The following DLK1 variants were observed in gnomAD, a reference collection of about 807,000 sequenced individuals.
DLK1 encodes the protein delta like non-canonical Notch ligand 1, also known as protein delta homolog 1.
DLK1 carries 9 observed loss-of-function variants against 35.2 expected under a neutral mutation model. That is an observed-to-expected ratio of 0.26 (90% CI 0.15 to 0.45). The LOEUF (loss-of-function observed/expected upper bound fraction) is 0.45. Among genes scored for constraint, DLK1 ranks in the 20% least tolerant of loss-of-function variants. DLK1 has a pLI of 1.00. For synonymous variants in DLK1, 231 were observed against 228.4 expected, an observed-to-expected ratio of 1.01 and a Z score of -0.10; for missense variants, 522 against 528.5, an observed-to-expected ratio of 0.99 and a Z score of 0.12.
Position 100,737,855 on chromosome 14 carries a change from C to G in DLK1, c.*2959C>G, listed in dbSNP as rs1329035154. ...CCACAGTGCCCACCACTCGCACTAC[C>G]CCCCCCGTGCCACAGAAGCAGTGTC... On this transcript the variant is annotated 3_prime_UTR_variant, in exon 5 of 5. Coordinates refer to ENST00000341267, the MANE Select transcript of DLK1 (RefSeq NM_003836.7). The G allele has an allele frequency of 1.3e-5, 2 of 152,082 alleles. No individual in the cohort carries two copies. The highest frequency in any genetic ancestry group is 6.5e-5 in the Admixed American group (1 of 15,282). 9.4% of individuals were successfully genotyped at this position (152,082 alleles called of 1,614,324 possible).
At chr14:100,730,009 A>G (rs750690761) in intron 3 of DLK1, among the ~76,000 whole-genome samples, 2 of 152,234 alleles carry the variant, frequency 1.3e-5, no homozygotes, top group Non-Finnish European at 2.9e-5. Context: ...GTTAATTTTT[A>G]TCTTCGATTG....
At chr14:100,731,904 T>C (rs752576030) in intron 3 of DLK1, 138 bp from the exon 4 acceptor site, 116 of 1,121,914 alleles carry the variant, frequency 1.0e-4, no homozygotes, top group Non-Finnish European at 1.3e-4. Context: ...TCATGGGTTT[T>C]TTTGAGGGGG....
chr14:100,731,529 C>T (rs1013547230), intron 3 of DLK1, among the ~76,000 whole-genome samples: 12 of 152,028 alleles, frequency 7.9e-5, no homozygotes, highest in Admixed American at 2.0e-4. Flanking sequence ...GGAGGGGGGT[C>T]GTTACATCTC....
intron 3 of DLK1, 96 bp from the exon 4 acceptor site, chr14:100,731,946 C>T (rs764070282): frequency 2.9e-5 from 42 of 1,452,650 alleles, no homozygotes; most frequent in African/African-American, 7.2e-5. Context: ...AGACCCCACT[C>T]GGTGGCCATA....
At position 100,727,074 on chromosome 14, in the gene DLK1, C is replaced by A. The variant is rs1212702226; in HGVS notation, c.6C>A (p.Thr2=). M[T]ATEALLRVLL... is the part of the protein sequence containing the mutation. ...GCGACCCCGGCCGCCCAGAGATGAC[C>A]GCGACCGAAGCCCTCCTGCGCGTCC... The change falls in exon 1 of 5, where the codon ACC becomes ACA. Residue 2 remains threonine (T), a synonymous_variant. Coordinates refer to ENST00000341267, the MANE Select transcript of DLK1 (RefSeq NM_003836.7). The A allele has an allele frequency of 1.3e-6, 2 of 1,589,472 alleles. No individual in the cohort carries two copies. Among genetic ancestry groups the A allele is most frequent in the African/African-American group, 2.8e-5 (2 of 71,970 alleles).
intron 2 of DLK1, 145 bp from the exon 3 acceptor site, chr14:100,728,791 G>A: frequency 9.1e-7 from 1 of 1,101,764 alleles, no homozygotes; most frequent in Non-Finnish European, 1.3e-6. Flanking sequence ...TCCCATTCAG[G>A]TGGCTGGTGT....
chr14:100,730,786 C>G (rs1384170603), intron 3 of DLK1, among the ~76,000 whole-genome samples: 1 of 152,228 alleles, frequency 6.6e-6, no homozygotes, highest in Non-Finnish European at 1.5e-5. Context: ...AAGATAAATC[C>G]TCTTTATGTG....
chr14:100,731,264 G>A (rs1016822420), intron 3 of DLK1, among the ~76,000 whole-genome samples: 1 of 152,140 alleles, frequency 6.6e-6, no homozygotes, highest in South Asian at 2.1e-4. Context: ...AGGCCCTTGT[G>A]TTCAGCTCAT....
Position 100,728,478 on chromosome 14 carries a change from A to C in DLK1, c.131+19A>C. On this transcript the variant is annotated intron_variant, in intron 2 of 4. Transcript: ENST00000341267. ...TTTGCAGGTAATAGAGTGGCTCCTC[A>C]GAGGCAGCTTGTAGGGGCCACGCAG... 6.2e-7 allele frequency: 1 copy of C among 1,613,546 alleles called. No homozygotes were observed. The highest frequency in any genetic ancestry group is 8.5e-7 in the Non-Finnish European group (1 of 1,179,706).
At chr14:100,728,339 C>G (rs960082985) in intron 1 of DLK1, 57 bp from the exon 2 acceptor site, 48 of 1,601,252 alleles carry the variant, frequency 3.0e-5, no homozygotes, top group Non-Finnish European at 3.8e-5. Flanking sequence ...CGAAGACAGC[C>G]TTTGCCTTGG....
chr14:100,727,228 GC>G, intron 1 of DLK1, 93 bp downstream of exon 1: 2 of 1,301,248 alleles, frequency 1.5e-6, no homozygotes, highest in Non-Finnish European at 1.0e-6. Flanking sequence ...CGTCTCGTGA[GC>G]CCCAACTCCG....
chr14:100,729,171 ATT>A, intron 3 of DLK1, 105 bp downstream of exon 3: 2 of 1,556,264 alleles, frequency 1.3e-6, no homozygotes, highest in Non-Finnish European at 1.7e-6. Context: ...TCACTTCCTC[ATT>A]CCTGCACACT....
At chr14:100,730,543 C>T (rs1252634812) in intron 3 of DLK1, among the ~76,000 whole-genome samples, 2 of 152,178 alleles carry the variant, frequency 1.3e-5, no homozygotes, top group African/African-American at 4.8e-5. Flanking sequence ...GCAGAGACCC[C>T]CAAGCAGCCT....
chr14:100,728,888 C>G (rs770249231), intron 2 of DLK1, 48 bp from the exon 3 acceptor site: 9 of 1,603,152 alleles, frequency 5.6e-6, no homozygotes, highest in Non-Finnish European at 7.7e-6. Context: ...TGCCTCTCTA[C>G]CCCTGCCCTC....
chr14:100,732,297 C>T (rs1195261125), intron 4 of DLK1, 114 bp downstream of exon 4: 4 of 1,476,368 alleles, frequency 2.7e-6, no homozygotes, highest in Non-Finnish European at 3.6e-6. Context: ...GAAGTAAGCG[C>T]TCATCCTGGC....
At chr14:100,730,492 T>G (rs929870235) in intron 3 of DLK1, among the ~76,000 whole-genome samples, 4 of 152,194 alleles carry the variant, frequency 2.6e-5, no homozygotes, top group Non-Finnish European at 4.4e-5. Context: ...TCTCCCTTTT[T>G]GCCCATCTTT....
At chr14:100,728,507 C>T (rs1567020390) in intron 2 of DLK1, 48 bp downstream of exon 2, 2 of 1,604,148 alleles carry the variant, frequency 1.2e-6, no homozygotes, top group Non-Finnish European at 1.7e-6. Flanking sequence ...CACGCAGAAG[C>T]CTGGGGAGTC....
Position 100,727,183 on chromosome 14 carries a change from G to A in DLK1, c.67+48G>A, listed in dbSNP as rs763814262. Reference sequence around the variant, plus strand: ...TCGCGCCCCCTCTGGGGAAGCCTGCGACTCCCCGCCGGCCGCCCGGTGCCC... The same window carrying A: ...TCGCGCCCCCTCTGGGGAAGCCTGCAACTCCCCGCCGGCCGCCCGGTGCCC... On this transcript the variant is annotated intron_variant, in intron 1 of 4. Transcript: ENST00000341267. 16 of 1,499,598 alleles carry A rather than the reference G, an allele frequency of 1.1e-5. No individual in the cohort carries two copies. The South Asian group carries it at 1.8e-4, about 16-fold the overall frequency. The allele number at this position is 1,499,598 out of a possible 1,614,324, so 92.9% of individuals were successfully genotyped here.
chr14:100,730,818 C>G (rs1158109255), intron 3 of DLK1, among the ~76,000 whole-genome samples: 1 of 152,232 alleles, frequency 6.6e-6, no homozygotes, highest in Non-Finnish European at 1.5e-5. Flanking sequence ...AGCCGGGCTT[C>G]CATGGAACAC....
Sources: gnomAD v4.1 joint callset for allele counts (sites outside exome capture counted in the v4.1 genomes callset) on GRCh38, gnomAD v4.1.1 for gene constraint, MANE v1.5 for transcripts, NCBI Gene and HGNC (gene_info 2026-07-23, HGNC 2026-07-21) for gene names.